DENND1B: variants seen among roughly 807,000 people sequenced by gnomAD.
DENND1B encodes the protein DENN domain-containing protein 1B.
Under a neutral mutation model 90.1 loss-of-function variants are expected in DENND1B, and 59 were observed. The ratio of observed to expected loss-of-function variants is 0.65; its 90% CI spans 0.53 to 0.81. DENND1B has a LOEUF of 0.81. Ranked by LOEUF, DENND1B falls within the 40% of genes least tolerant of loss-of-function variation. The pLI, the probability that DENND1B is intolerant of heterozygous loss-of-function variation, is 0.00. For missense variants in DENND1B, 862 were observed against 912.6 expected (o/e 0.94, Z 0.71); for synonymous variants, 337 against 324.6 (o/e 1.04, Z -0.41).
intron 2 of DENND1B, among the ~76,000 whole-genome samples, chr1:197,718,695 G>A (rs936426579): frequency 1.3e-5 from 2 of 152,038 alleles, no homozygotes; most frequent in African/African-American, 4.8e-5. Context: ...ACACAAGTTA[G>A]ACAAGCAAAG....
chr1:197,734,767 G>A (rs1662481129), intron 2 of DENND1B: 1 of 983,282 alleles, frequency 1.0e-6, no homozygotes, highest in Admixed American at 6.2e-5. Context: ...AATATAAATT[G>A]ATTTCCCAAA....
chr1:197,653,990 G>A (rs1261775347), intron 6 of DENND1B, among the ~76,000 whole-genome samples: 1 of 152,070 alleles, frequency 6.6e-6, no homozygotes, highest in Admixed American at 6.5e-5. Context: ...GTGAATGTCT[G>A]TACAGCTTCA....
At chr1:197,589,746 G>A (rs528086247) in intron 14 of DENND1B, among the ~76,000 whole-genome samples, 255 of 152,126 alleles carry the variant, frequency 1.7e-3, no homozygotes, top group African/African-American at 6.1e-3. Context: ...ACGGAGGACC[G>A]GATTACTAAC....
At chr1:197,623,056 T>G (rs188257086) in intron 10 of DENND1B, among the ~76,000 whole-genome samples, 115 of 151,484 alleles carry the variant, frequency 7.6e-4, no homozygotes, top group South Asian at 5.6e-3. Context: ...TATTCTAGCC[T>G]CTGTATCACC....
chr1:197,510,989 A>T lies in DENND1B; in HGVS notation c.1816-17T>A. 6.8e-7 allele frequency: 1 copy of T among 1,478,960 alleles called. No homozygotes were observed. The highest frequency in any genetic ancestry group is 9.0e-7 in the Non-Finnish European group (1 of 1,114,016). 91.6% of individuals were successfully genotyped at this position (1,478,960 alleles called of 1,614,324 possible). On this transcript the variant is annotated splice_polypyrimidine_tract_variant and intron_variant, in intron 22 of 22. Coordinates refer to ENST00000620048, the MANE Select transcript of DENND1B (RefSeq NM_001195215.2). Reference sequence around the variant, plus strand: ...AGATTTATTCTGAAAAAAAGAAGAAACAACAAACTCAGAAAACTTTTAATA... The same window carrying T: ...AGATTTATTCTGAAAAAAAGAAGAATCAACAAACTCAGAAAACTTTTAATA...
chr1:197,555,323 T>A (rs181646063), intron 15 of DENND1B, among the ~76,000 whole-genome samples: 1 of 152,126 alleles, frequency 6.6e-6, no homozygotes, highest in East Asian at 1.9e-4. Flanking sequence ...GACTAAGTCT[T>A]CAAAAGTAAA....
At chr1:197,679,171 A>C (rs1656395946) in intron 3 of DENND1B, among the ~76,000 whole-genome samples, 1 of 151,868 alleles carries the variant, frequency 6.6e-6, no homozygotes, top group African/African-American at 2.4e-5. Context: ...TAAAATATAA[A>C]TTTCAGAAAT....
intron 10 of DENND1B, among the ~76,000 whole-genome samples, chr1:197,642,276 C>T (rs975982807): frequency 6.6e-6 from 1 of 152,030 alleles, no homozygotes; most frequent in South Asian, 2.1e-4. Flanking sequence ...CAATCTACTC[C>T]CAAACCACTA....
At chr1:197,667,629 G>A (rs189881158) in intron 5 of DENND1B, among the ~76,000 whole-genome samples, 6 of 151,920 alleles carry the variant, frequency 3.9e-5, no homozygotes, top group Non-Finnish European at 7.4e-5. Flanking sequence ...GGGGTTTCTT[G>A]ACCTCGTAAT....
At chr1:197,735,258 A>G in intron 2 of DENND1B, 1 of 1,135,720 alleles carries the variant, frequency 8.8e-7, no homozygotes, top group Non-Finnish European at 1.1e-6. Context: ...ACAGTACCAA[A>G]TACATCCACC....
At chr1:197,588,459 T>C (rs1425402513) in intron 14 of DENND1B, among the ~76,000 whole-genome samples, 1 of 152,176 alleles carries the variant, frequency 6.6e-6, no homozygotes, top group Non-Finnish European at 1.5e-5. Context: ...GAAAGAAAAT[T>C]AGGGCATCAG....
Position 197,614,180 on chromosome 1 carries a change from T to C in DENND1B, c.774-2204A>G, listed in dbSNP as rs922505621. Among the ~76,000 whole-genome samples the C allele has an allele frequency of 3.3e-5, 5 of 151,124 alleles. No individual in the cohort carries two copies. The East Asian group carries it at 9.8e-4, about 30-fold the overall frequency. Reference sequence around the variant, plus strand: ...GACATAAAAATATTCATTAAAAAGCTTGTATGCAAAATTTAATCATATAAT... The same window carrying C: ...GACATAAAAATATTCATTAAAAAGCCTGTATGCAAAATTTAATCATATAAT... On this transcript the variant is annotated intron_variant, in intron 11 of 22. Coordinates refer to ENST00000620048, the MANE Select transcript of DENND1B (RefSeq NM_001195215.2).
chr1:197,628,329 T>C (rs1424142171), intron 10 of DENND1B, among the ~76,000 whole-genome samples: 1 of 152,090 alleles, frequency 6.6e-6, no homozygotes, highest in African/African-American at 2.4e-5. Flanking sequence ...AAAACAGATA[T>C]ATAGATCAAC....
chr1:197,694,658 A>G (rs555545359), intron 3 of DENND1B, among the ~76,000 whole-genome samples: 1 of 151,544 alleles, frequency 6.6e-6, no homozygotes, highest in East Asian at 1.9e-4. Flanking sequence ...ACAGCTTAAT[A>G]AAGAGTAAGC....
intron 15 of DENND1B, among the ~76,000 whole-genome samples, chr1:197,578,450 G>T (rs1571947819): frequency 1.3e-5 from 2 of 151,990 alleles, no homozygotes; most frequent in East Asian, 3.9e-4. Flanking sequence ...TCACCATGTT[G>T]GCCAGGTTGG....
At chr1:197,519,348 G>T (rs1571713733) in intron 20 of DENND1B, among the ~76,000 whole-genome samples, 1 of 151,794 alleles carries the variant, frequency 6.6e-6, no homozygotes, top group East Asian at 1.9e-4. Flanking sequence ...GAACTGATAA[G>T]AAAAACATAA....
intron 20 of DENND1B, among the ~76,000 whole-genome samples, chr1:197,524,663 GA>G (rs1343033861): frequency 2.0e-5 from 3 of 152,128 alleles, no homozygotes; most frequent in African/African-American, 7.2e-5. Flanking sequence ...GAAAGCTCTA[GA>G]TCAGCAGGCC....
Position 197,595,922 on chromosome 1 carries a change from A to G in DENND1B, c.922-589T>C, listed in dbSNP as rs145538963. Among the ~76,000 whole-genome samples the G allele has an allele frequency of 6.8e-4, 103 of 152,196 alleles. No individual in the cohort carries two copies. In the East Asian group the frequency reaches 0.02, roughly 29 times the overall value. Reference sequence around the variant, plus strand: ...CATTGTGTCATTTAATCTTCACCACAGTCTTCTAAGAAAAGCATTCATATT... The same window carrying G: ...CATTGTGTCATTTAATCTTCACCACGGTCTTCTAAGAAAAGCATTCATATT... On this transcript the variant is annotated intron_variant, in intron 13 of 22. Transcript: ENST00000620048.
intron 2 of DENND1B, among the ~76,000 whole-genome samples, chr1:197,751,642 G>A (rs954403532): frequency 1.3e-5 from 2 of 152,040 alleles, no homozygotes; most frequent in African/African-American, 2.4e-5. Flanking sequence ...TCAGGAGTTC[G>A]AGACTAGCCT....
Sources: gnomAD v4.1 joint callset for allele counts (sites outside exome capture counted in the v4.1 genomes callset) on GRCh38, gnomAD v4.1.1 for gene constraint, MANE v1.5 for transcripts, NCBI Gene and HGNC (gene_info 2026-07-23, HGNC 2026-07-21) for gene names.